Variants in BACH2 observed in about 807,000 individuals in gnomAD.
The protein encoded by BACH2 is BACH transcriptional regulator 2, also known as transcription regulator protein BACH2.
In BACH2, 5 loss-of-function variants were observed where a neutral mutation model predicts 61.8. The ratio of observed to expected loss-of-function variants is 0.08; its 90% CI spans 0.04 to 0.17. The LOEUF is 0.17. Among genes scored for constraint, BACH2 ranks in the 10% least tolerant of loss-of-function variants. The probability of loss-of-function intolerance (pLI) is 1.00; values close to 1 mark genes in which losing one functional copy is unlikely to be tolerated. For missense variants in BACH2, 824 were observed against 1,091.1 expected (o/e 0.76, Z 3.45); for synonymous variants, 446 against 440.1 (o/e 1.01, Z -0.17).
At chr6:89,949,529 C>T (rs1773945215) in intron 7 of BACH2, among the ~76,000 whole-genome samples, 2 of 152,190 alleles carry the variant, frequency 1.3e-5, no homozygotes. Flanking sequence ...CCTCTTCCAG[C>T]AATGGTAAGA....
intron 3 of BACH2, among the ~76,000 whole-genome samples, chr6:90,216,301 G>A (rs1769533987): frequency 6.6e-6 from 1 of 152,216 alleles, no homozygotes. Context: ...CACAGCCGCT[G>A]GAATGGGGAG....
chr6:90,100,943 T>C (rs1273099376), intron 4 of BACH2, among the ~76,000 whole-genome samples: 1 of 152,178 alleles, frequency 6.6e-6, no homozygotes, highest in African/African-American at 2.4e-5. Context: ...TTAACCATCC[T>C]AGTGGGGGTA....
chr6:90,233,107 T>A (rs141205419), intron 3 of BACH2, among the ~76,000 whole-genome samples: 1 of 152,320 alleles, frequency 6.6e-6, no homozygotes, highest in East Asian at 1.9e-4. Context: ...CAATTTCTCA[T>A]ACTTGTTTCA....
At chr6:90,129,078 G>A (rs1463279497) in intron 4 of BACH2, among the ~76,000 whole-genome samples, 1 of 152,056 alleles carries the variant, frequency 6.6e-6, no homozygotes, top group Non-Finnish European at 1.5e-5. Flanking sequence ...GGGGATGGGG[G>A]AAGGGTGAAG....
At position 89,929,629 on chromosome 6, in the gene BACH2, T is replaced by G. The variant is rs1584489510; in HGVS notation, c.*2779A>C. The G allele has an allele frequency of 2.0e-5, 3 of 151,012 alleles. No individual in the cohort carries two copies. Among genetic ancestry groups the G allele is most frequent in the African/African-American group, 7.3e-5 (3 of 41,022 alleles). The allele number at this position is 151,012 out of a possible 1,614,324, so 9.4% of individuals were successfully genotyped here. ...AAGAGGAAGAAAAGCAAGGCAGGGG[T>G]GGGTGGGAGGAAGGTGAGGTCTGAG... On this transcript the variant is annotated 3_prime_UTR_variant, in exon 9 of 9. Coordinates refer to ENST00000257749, the MANE Select transcript of BACH2 (RefSeq NM_021813.4).
At chr6:90,031,824 T>G (rs916521933) in intron 5 of BACH2, among the ~76,000 whole-genome samples, 3 of 152,166 alleles carry the variant, frequency 2.0e-5, no homozygotes, top group African/African-American at 7.2e-5. Context: ...AAGCTACCAA[T>G]GACTTTCTTC....
rs59169449 is a variant in BACH2 at position 90,239,798 on chromosome 6, TACACACACACACACACACAC to T, written c.-275+12695_-275+12714del. On this transcript the variant is annotated intron_variant, in intron 3 of 8. Transcript: ENST00000257749. ...GATCTCCATAGTAAGGGGGGGGGAATACACACACACACACACACACACACACACACACACACACACACACA... is the reference window on the plus strand; with the variant it reads ...GATCTCCATAGTAAGGGGGGGGGAATACACACACACACACACACACACACA... 9.9e-3 allele frequency among the ~76,000 whole-genome samples: 1,314 copies of T among 132,298 alleles called. 23 individuals are homozygous for T. Among genetic ancestry groups the T allele is most frequent in the African/African-American group, 0.035 (1,218 of 35,226 alleles). The allele number at this position is 132,298 out of a possible 152,430, so 86.8% of individuals were successfully genotyped here.
chr6:90,147,064 A>G (rs1222328750), intron 4 of BACH2, among the ~76,000 whole-genome samples: 2 of 152,226 alleles, frequency 1.3e-5, no homozygotes, highest in Non-Finnish European at 2.9e-5. Flanking sequence ...AGAAACAGTA[A>G]GTACCAAACC....
At chr6:90,079,880 G>A (rs867264216) in intron 5 of BACH2, among the ~76,000 whole-genome samples, 30 of 151,860 alleles carry the variant, frequency 2.0e-4, no homozygotes, top group Non-Finnish European at 1.2e-4. Flanking sequence ...TGGCTAAAAT[G>A]TGTGACATTT....
Position 89,930,952 on chromosome 6 carries a change from A to G in BACH2, c.*1456T>C, listed in dbSNP as rs912841974. 4 of 150,686 alleles carry G rather than the reference A, an allele frequency of 2.7e-5. No homozygotes were observed. Among genetic ancestry groups the G allele is most frequent in the African/African-American group, 9.7e-5 (4 of 41,314 alleles). 9.3% of individuals were successfully genotyped at this position (150,686 alleles called of 1,614,324 possible). A position where few individuals can be genotyped will look rare whatever the true frequency, so the allele number is the denominator to read the frequency against. On this transcript the variant is annotated 3_prime_UTR_variant, in exon 9 of 9. Coordinates refer to ENST00000257749, the MANE Select transcript of BACH2 (RefSeq NM_021813.4). ...TGCTCTCTCCCAATGGGGTGAAGGC[A>G]GGACCTTCGGGGCTGTGATTCAAAT...
chr6:90,018,916 T>C (rs913709866), intron 5 of BACH2, among the ~76,000 whole-genome samples: 2 of 152,214 alleles, frequency 1.3e-5, no homozygotes, highest in Non-Finnish European at 1.5e-5. Context: ...CTAAATTCTT[T>C]ATTATCTAGT....
chr6:90,124,714 T>C (rs1014557035), intron 4 of BACH2, among the ~76,000 whole-genome samples: 3 of 152,212 alleles, frequency 2.0e-5, no homozygotes, highest in Non-Finnish European at 2.9e-5. Flanking sequence ...TTTCCCACCA[T>C]TGTAAACAAT....
At chr6:90,289,999 T>C (rs542387793) in intron 1 of BACH2, among the ~76,000 whole-genome samples, 31 of 152,226 alleles carry the variant, frequency 2.0e-4, no homozygotes, top group Non-Finnish European at 4.1e-4. Context: ...CTCTTGGCAG[T>C]TAACTTCTGT....
intron 1 of BACH2, among the ~76,000 whole-genome samples, chr6:90,295,006 T>G (rs567518975): frequency 6.6e-6 from 1 of 152,342 alleles, no homozygotes; most frequent in African/African-American, 2.4e-5. Context: ...TTTAGTTAAA[T>G]ACACTCAACA....
At chr6:90,153,080 G>A (rs1006285579) in intron 4 of BACH2, among the ~76,000 whole-genome samples, 2 of 152,104 alleles carry the variant, frequency 1.3e-5, no homozygotes, top group African/African-American at 2.4e-5. Flanking sequence ...AAAATAAGAC[G>A]AAATCTCATC....
At chr6:90,260,293 TTTC>T in intron 2 of BACH2, among the ~76,000 whole-genome samples, 1 of 152,364 alleles carries the variant, frequency 6.6e-6, no homozygotes, top group African/African-American at 2.4e-5. Context: ...TATCTTTTAA[TTTC>T]TTCTTTGACC....
At chr6:90,227,109 CTT>C (rs1562515584) in intron 3 of BACH2, among the ~76,000 whole-genome samples, 1 of 152,202 alleles carries the variant, frequency 6.6e-6, no homozygotes, top group Non-Finnish European at 1.5e-5. Flanking sequence ...CATTAAGAAA[CTT>C]TTCTTAGCCT....
rs564774984 is a variant in BACH2 at position 90,051,553 on chromosome 6, C to T, written c.-13+37408G>A. ...AAAGTCAAAAATATTTACTATATGC[C>T]TTTTTACAAAAAAAGTTTACCAAAC... On this transcript the variant is annotated intron_variant, in intron 5 of 8. Transcript: ENST00000257749. 3.3e-5 allele frequency among the ~76,000 whole-genome samples: 5 copies of T among 152,260 alleles called. No homozygotes were observed. The South Asian group carries it at 1.0e-3, about 32-fold the overall frequency.
chr6:90,260,549 C>T (rs965190052), intron 2 of BACH2, among the ~76,000 whole-genome samples: 33 of 152,312 alleles, frequency 2.2e-4, no homozygotes, highest in Non-Finnish European at 4.4e-4. Context: ...CTGTACATGT[C>T]TATTGGGTCC....
Sources: gnomAD v4.1 joint callset for allele counts (sites outside exome capture counted in the v4.1 genomes callset) on GRCh38, gnomAD v4.1.1 for gene constraint, MANE v1.5 for transcripts, NCBI Gene and HGNC (gene_info 2026-07-23, HGNC 2026-07-21) for gene names.